The following FANCI variants were observed in gnomAD, a reference collection of about 807,000 sequenced individuals.
FANCI encodes the protein FA complementation group I.
A neutral mutation model predicts 176.1 loss-of-function variants in FANCI; 156 were observed. That is an observed-to-expected ratio of 0.89 (90% CI 0.78 to 1.01). The LOEUF (loss-of-function observed/expected upper bound fraction) is 1.01. FANCI is among the 50% of genes least tolerant of loss of function. The pLI is 0.00. For synonymous variants in FANCI, 613 were observed against 541.7 expected (o/e 1.13, Z -1.83); for missense variants, 1,678 against 1,534.1 (o/e 1.09, Z -1.57).
Position 89,295,203 on chromosome 15 carries a change from G to A in FANCI, c.2636+109G>A, listed in dbSNP as rs543665368. On this transcript the variant is annotated intron_variant, in intron 24 of 37. Transcript: ENST00000310775. ...TAATTTGAGGTTGGACATATTTTAG[G>A]AGTGAAAGAATATAAAACATTAGCC... The A allele has an allele frequency of 1.0e-5, 13 of 1,286,748 alleles. No individual in the cohort carries two copies. In the Admixed American group the frequency reaches 1.6e-4, roughly 16 times the overall value. The allele number at this position is 1,286,748 out of a possible 1,614,324, so 79.7% of individuals were successfully genotyped here. A position where few individuals can be genotyped will look rare whatever the true frequency, so the allele number is the denominator to read the frequency against.
At chr15:89,312,352 C>T (rs993650508) in intron 34 of FANCI, among the ~76,000 whole-genome samples, 1 of 152,216 alleles carries the variant, frequency 6.6e-6, no homozygotes, top group Non-Finnish European at 1.5e-5. Context: ...CTTCAACTTC[C>T]ATGTGCCAGC....
At chr15:89,284,987 G>T in intron 17 of FANCI, 109 bp from the exon 18 acceptor site, 1 of 1,288,310 alleles carries the variant, frequency 7.8e-7, no homozygotes, top group Non-Finnish European at 1.1e-6. Context: ...CCTGGGGTTT[G>T]GCATGTGGAG....
At chr15:89,256,464 A>G (rs976752372) in intron 2 of FANCI, among the ~76,000 whole-genome samples, 2 of 152,192 alleles carry the variant, frequency 1.3e-5, no homozygotes, top group Admixed American at 6.5e-5. Context: ...AGCCTCATGT[A>G]CTTGTGGAAG....
intron 35 of FANCI, among the ~76,000 whole-genome samples, chr15:89,313,530 G>A (rs1211148309): frequency 6.6e-6 from 1 of 152,158 alleles, no homozygotes; most frequent in African/African-American, 2.4e-5. Flanking sequence ...AATGCAAAAG[G>A]TGCTCCCTAA....
chr15:89,262,072 T>G (rs1057261148), intron 6 of FANCI, among the ~76,000 whole-genome samples, 194 bp downstream of exon 6: 5 of 152,236 alleles, frequency 3.3e-5, no homozygotes, highest in African/African-American at 1.2e-4. Context: ...CCTCTAAGAC[T>G]GTTCATATAG....
Position 89,301,351 on chromosome 15 carries a change from G to C in FANCI, c.2915G>C (p.Ser972Thr). ...FQRSLLNLLS[S>T]QEEDFNSKEA... is the part of the protein sequence containing the mutation. ...AGGTCCTTGTTGAATTTACTTAGCA[G>C]TCAAGAGGAAGATTTTAATAGCAAA... The change falls in exon 27 of 38, where the codon AGT becomes ACT. Residue 972 changes from serine (S) to threonine (T), a missense_variant. Ser to Thr is a moderately conservative substitution (Grantham distance 58). Transcript: ENST00000310775. 1 of 1,613,948 alleles carries C rather than the reference G, an allele frequency of 6.2e-7. No individual in the cohort carries two copies.
intron 12 of FANCI, 112 bp downstream of exon 12, chr15:89,274,416 TG>T: frequency 8.4e-7 from 1 of 1,186,674 alleles, no homozygotes; most frequent in Non-Finnish European, 1.2e-6. Context: ...TAACAGCTGT[TG>T]ACGTCACACA....
At position 89,307,144 on chromosome 15, in the gene FANCI, T is replaced by C. The variant is rs549749796; in HGVS notation, c.3538-332T>C. 5.9e-5 allele frequency among the ~76,000 whole-genome samples: 9 copies of C among 152,344 alleles called. No homozygotes were observed. The East Asian group carries it at 1.7e-3, about 29-fold the overall frequency. On this transcript the variant is annotated intron_variant, in intron 32 of 37. Coordinates refer to ENST00000310775, the MANE Select transcript of FANCI (RefSeq NM_001113378.2). ...TAGCTCTAGCTACATGTGGCTAAGCTGCTGTAGTGGAAATACTGAGAGCCT... is the reference window on the plus strand; with the variant it reads ...TAGCTCTAGCTACATGTGGCTAAGCCGCTGTAGTGGAAATACTGAGAGCCT...
At position 89,261,581 on chromosome 15, in the gene FANCI, T is replaced by C; in HGVS notation, c.289-4T>C. The C allele has an allele frequency of 6.2e-7, 1 of 1,614,134 alleles. No homozygotes were observed. Among genetic ancestry groups the C allele is most frequent in the Non-Finnish European group, 8.5e-7 (1 of 1,180,020 alleles). On this transcript the variant is annotated splice_region_variant and splice_polypyrimidine_tract_variant and intron_variant, in intron 4 of 37. Transcript: ENST00000310775. Reference sequence around the variant, plus strand: ...GAGATTTCCTTTATCCTGTGAACTTTTAGGCTCACCATTTTCCAGGACCAT... The same window carrying C: ...GAGATTTCCTTTATCCTGTGAACTTCTAGGCTCACCATTTTCCAGGACCAT...
chr15:89,291,558 A>C, intron 19 of FANCI, 55 bp from the exon 20 acceptor site: 2 of 1,439,718 alleles, frequency 1.4e-6, no homozygotes, highest in Non-Finnish European at 2.0e-6. Flanking sequence ...TGAGAAGTTA[A>C]AAAAGTAAAA....
At chr15:89,304,240 G>T (rs1047278400) in intron 28 of FANCI, among the ~76,000 whole-genome samples, 1 of 152,218 alleles carries the variant, frequency 6.6e-6, no homozygotes, top group Non-Finnish European at 1.5e-5. Flanking sequence ...CACTATTTTA[G>T]TAGGTAAAAC....
At chr15:89,305,772 A>C (rs2054695143) in intron 31 of FANCI, 74 bp downstream of exon 31, 3 of 1,465,172 alleles carry the variant, frequency 2.0e-6, no homozygotes, top group Non-Finnish European at 2.9e-6. Flanking sequence ...CGGTGCATAA[A>C]AATGGAGCCC....
intron 34 of FANCI, among the ~76,000 whole-genome samples, chr15:89,309,084 T>C (rs545167551): frequency 6.6e-6 from 1 of 152,188 alleles, no homozygotes; most frequent in Non-Finnish European, 1.5e-5. Flanking sequence ...GGGTCAGGAA[T>C]GCATCATCCA....
intron 6 of FANCI, among the ~76,000 whole-genome samples, 182 bp downstream of exon 6, chr15:89,262,060 G>T (rs1487800275): frequency 6.6e-6 from 1 of 152,048 alleles, no homozygotes; most frequent in Non-Finnish European, 1.5e-5. Context: ...ACTATATTCT[G>T]TCCTCTAAGA....
rs988319051 is a variant in FANCI, at chr15:89,306,041, G to A, written c.3384G>A (p.Gln1128=). ...EASSQATLPN[Q]PVEKAIIMQL... Reference sequence around the variant, plus strand: ...CTTCTCAGGCAACCCTACCAAATCAGCCTGTTGAGAAAGCTATCATCATGC... The same window carrying A: ...CTTCTCAGGCAACCCTACCAAATCAACCTGTTGAGAAAGCTATCATCATGC... Residue 1128 remains glutamine (Q), a synonymous_variant, in exon 32 of 38, where the codon CAG becomes CAA. Coordinates refer to ENST00000310775, the MANE Select transcript of FANCI (RefSeq NM_001113378.2). 2.5e-6 allele frequency: 4 copies of A among 1,614,156 alleles called. No individual in the cohort carries two copies. In the African/African-American group the frequency reaches 4.0e-5, roughly 16 times the overall value.
chr15:89,308,235 A>G (rs80151820), intron 34 of FANCI: 16,616 of 963,504 alleles, frequency 0.017, 174 homozygotes, highest in Middle Eastern at 0.026. Context: ...TGTTCTGTGC[A>G]TTTTGGGATG....
chr15:89,301,230 C>A, intron 26 of FANCI, 96 bp from the exon 27 acceptor site: 1 of 833,730 alleles, frequency 1.2e-6, no homozygotes, highest in Non-Finnish European at 2.1e-6. Flanking sequence ...TGAATTCTTT[C>A]TGTCCTAGTC....
chr15:89,276,988 A>C, intron 13 of FANCI, 97 bp downstream of exon 13: 1 of 1,216,908 alleles, frequency 8.2e-7, no homozygotes, highest in Non-Finnish European at 1.2e-6. Context: ...AGGAAATTTG[A>C]GTATGTATTA....
At chr15:89,268,261 T>A in intron 9 of FANCI, 138 bp from the exon 10 acceptor site, 1 of 893,956 alleles carries the variant, frequency 1.1e-6, no homozygotes, top group Admixed American at 1.8e-5. Context: ...TCGGGCTGAT[T>A]TTTTTGTATT....
Sources: gnomAD v4.1 joint callset for allele counts (sites outside exome capture counted in the v4.1 genomes callset) on GRCh38, gnomAD v4.1.1 for gene constraint, MANE v1.5 for transcripts, NCBI Gene and HGNC (gene_info 2026-07-23, HGNC 2026-07-21) for gene names.